SLC12A6: variants seen among roughly 807,000 people sequenced by gnomAD.
SLC12A6 encodes the protein K-Cl cotransporter 3.
In SLC12A6, 66 loss-of-function variants were observed where a neutral mutation model predicts 135.3. The observed-to-expected ratio is 0.49, with a 90% confidence interval of 0.40 to 0.60. SLC12A6 has a LOEUF of 0.60. SLC12A6 is among the 20% of genes least tolerant of loss of function. The probability of loss-of-function intolerance (pLI) is 0.00; values close to 1 mark genes in which losing one functional copy is unlikely to be tolerated. For synonymous variants in SLC12A6, 513 were observed against 508.8 expected, an observed-to-expected ratio of 1.01 and a Z score of -0.11; for missense variants, 1,058 against 1,452.3, an observed-to-expected ratio of 0.73 and a Z score of 4.41.
chr15:34,304,986 T>C (rs1896505194), intron 2 of SLC12A6, among the ~76,000 whole-genome samples: 1 of 152,234 alleles, frequency 6.6e-6, no homozygotes, highest in African/African-American at 2.4e-5. Context: ...AGTTGTAACA[T>C]GTTTCCCCTC....
In SLC12A6 at chr15:34,327,698, C is replaced by A. The variant is rs111771627; in HGVS notation, c.271+8712G>T. The stretch of plus-strand genomic sequence containing the variant: ...TAGATATGGTAAATGCAAATGCTCT[C>A]AAAATAGAATAAAAGTAAATTTTGG... On this transcript the variant is annotated intron_variant, in intron 2 of 25. Transcript: ENST00000354181. 6.4e-3 allele frequency among the ~76,000 whole-genome samples: 971 copies of A among 152,098 alleles called. 10 individuals are homozygous for A. Among genetic ancestry groups the A allele is most frequent in the African/African-American group, 0.022 (929 of 41,506 alleles).
intron 2 of SLC12A6, among the ~76,000 whole-genome samples, chr15:34,290,421 A>G (rs1420209369): frequency 1.3e-5 from 2 of 152,180 alleles, no homozygotes; most frequent in Admixed American, 6.6e-5. Context: ...TTTTAGAATA[A>G]GTGCTATGTG....
chr15:34,255,249 A>G lies in SLC12A6; in HGVS notation c.876+13T>C. ...TCTTCTATATTATAGACCACAATGA[A>G]GTCATTACTTACCAGAAAGATTTCA... On this transcript the variant is annotated intron_variant, in intron 8 of 25. Transcript: ENST00000354181. 6.4e-7 allele frequency: 1 copy of G among 1,573,806 alleles called. No individual in the cohort carries two copies. The highest frequency in any genetic ancestry group is 8.7e-7 in the Non-Finnish European group (1 of 1,143,142).
chr15:34,319,939 C>T (rs1359468461), intron 2 of SLC12A6, among the ~76,000 whole-genome samples: 2 of 151,270 alleles, frequency 1.3e-5, no homozygotes, highest in African/African-American at 4.9e-5. Flanking sequence ...CTTTAGCATA[C>T]CCTTAAAATA....
chr15:34,239,695 C>T (rs1350040537), intron 19 of SLC12A6, among the ~76,000 whole-genome samples: 1 of 152,084 alleles, frequency 6.6e-6, no homozygotes, highest in Admixed American at 6.6e-5. Context: ...ATTTGCATTA[C>T]TCTTCCTTTA....
intron 3 of SLC12A6, among the ~76,000 whole-genome samples, chr15:34,270,705 A>T (rs537992940): frequency 6.6e-6 from 1 of 152,208 alleles, no homozygotes; most frequent in African/African-American, 2.4e-5. Flanking sequence ...TGGGAGGCTG[A>T]GGAAGGAGAA....
intron 8 of SLC12A6, 86 bp downstream of exon 8, chr15:34,255,176 T>A: frequency 9.2e-7 from 1 of 1,086,098 alleles, no homozygotes; most frequent in Middle Eastern, 2.0e-4. Flanking sequence ...TTCCCACAGC[T>A]GATCTCTCAG....
At chr15:34,274,041 T>C (rs954897145) in intron 3 of SLC12A6, among the ~76,000 whole-genome samples, 2 of 152,188 alleles carry the variant, frequency 1.3e-5, no homozygotes, top group African/African-American at 4.8e-5. Flanking sequence ...ATATCTATCT[T>C]ATATACTGGA....
chr15:34,262,057 C>A (rs1893172003), intron 3 of SLC12A6, among the ~76,000 whole-genome samples: 1 of 152,178 alleles, frequency 6.6e-6, no homozygotes. Context: ...CTTGTATGTT[C>A]ATTACATACA....
chr15:34,264,465 G>A (rs1448225932), intron 3 of SLC12A6, among the ~76,000 whole-genome samples: 3 of 152,164 alleles, frequency 2.0e-5, no homozygotes, highest in South Asian at 2.1e-4. Flanking sequence ...AATTCAGAAT[G>A]TGAGAAATTT....
In SLC12A6 at chr15:34,239,176, G is replaced by T; in HGVS notation, c.2437-16C>A. The T allele has an allele frequency of 6.3e-7, 1 of 1,577,478 alleles. No individual in the cohort carries two copies. The highest frequency in any genetic ancestry group is 8.7e-7 in the Non-Finnish European group (1 of 1,146,924). On this transcript the variant is annotated splice_polypyrimidine_tract_variant and intron_variant, in intron 19 of 25. Transcript: ENST00000354181. ...GCTTTATGGTCTGAAAGAGACACAG[G>T]ACCGCAACACTGAACTGGTTCACTC...
chr15:34,310,565 GTGTGTA>G (rs1457464075), intron 2 of SLC12A6, among the ~76,000 whole-genome samples: 4 of 112,822 alleles, frequency 3.5e-5, no homozygotes, highest in Admixed American at 8.4e-5. Context: ...GTGTGTGTGT[GTGTGTA>G]TGTGTGTGTG....
intron 9 of SLC12A6, among the ~76,000 whole-genome samples, chr15:34,253,443 A>G (rs1892530533): frequency 6.6e-6 from 1 of 152,212 alleles, no homozygotes; most frequent in Non-Finnish European, 1.5e-5. Context: ...CAGCTGTATT[A>G]CAGTCCCTAG....
At position 34,232,143 on chromosome 15, in the gene SLC12A6, A is replaced by G. The variant is rs1194760404; in HGVS notation, c.*1738T>C. ...TTGAAATTACTGCTCAGCCAGCCAC[A>G]TAAGTAGTTTCCCTATGCTTGTAAG... On this transcript the variant is annotated 3_prime_UTR_variant, in exon 26 of 26. Transcript: ENST00000354181. The G allele has an allele frequency of 6.6e-6, 1 of 152,260 alleles. No individual in the cohort carries two copies. 9.4% of individuals were successfully genotyped at this position (152,260 alleles called of 1,614,324 possible).
At chr15:34,267,237 T>A (rs79931418) in intron 3 of SLC12A6, among the ~76,000 whole-genome samples, 114 of 143,866 alleles carry the variant, frequency 7.9e-4, no homozygotes, top group Admixed American at 2.8e-3. Context: ...AGTCTCTTTT[T>A]AAAAAAAAAA....
intron 22 of SLC12A6, 77 bp from the exon 23 acceptor site, chr15:34,236,892 T>A: frequency 1.2e-6 from 1 of 852,586 alleles, no homozygotes; most frequent in Non-Finnish European, 2.0e-6. Flanking sequence ...TTATTTCCAG[T>A]CACTAAATTA....
rs566558212 is a variant in SLC12A6 at position 34,230,149 on chromosome 15, T to TA, written c.*3731dup. 2.1e-4 allele frequency: 50 copies of TA among 235,650 alleles called. 1 individual carries two copies. Among genetic ancestry groups the TA allele is most frequent in the Non-Finnish European group, 2.9e-4 (36 of 123,418 alleles). 14.6% of individuals were successfully genotyped at this position (235,650 alleles called of 1,614,324 possible). A position where few individuals can be genotyped will look rare whatever the true frequency, so the allele number is the denominator to read the frequency against. ...AAATTAAATGGTTGAGAACAATGCA[T>TA]AAAAAAAGTTGCACAAGTTCCTTAT... On this transcript the variant is annotated 3_prime_UTR_variant, in exon 26 of 26. Coordinates refer to ENST00000354181, the MANE Select transcript of SLC12A6 (RefSeq NM_001365088.1).
chr15:34,260,289 T>C (rs1893025459), intron 4 of SLC12A6, among the ~76,000 whole-genome samples: 2 of 152,144 alleles, frequency 1.3e-5, no homozygotes, highest in African/African-American at 4.8e-5. Context: ...GACGGAGTCT[T>C]GCTCTGTCGC....
intron 3 of SLC12A6, among the ~76,000 whole-genome samples, chr15:34,264,126 T>C (rs376546992): frequency 7.9e-5 from 12 of 152,152 alleles, no homozygotes; most frequent in Admixed American, 5.2e-4. Context: ...TAATTAATGA[T>C]AGATGGAATG....
Sources: allele counts gnomAD v4.1 joint callset (sites outside exome capture counted in the v4.1 genomes callset), GRCh38; gene constraint gnomAD v4.1.1; transcripts MANE v1.5; gene names NCBI Gene and HGNC (gene_info 2026-07-23, HGNC 2026-07-21).